Variants in CLOCK observed in about 807,000 individuals in gnomAD.
The protein encoded by CLOCK is clock circadian regulator, also known as circadian locomoter output cycles protein kaput.
CLOCK carries 43 observed loss-of-function variants against 118.4 expected under a neutral mutation model. The ratio of observed to expected loss-of-function variants is 0.36; its 90% CI spans 0.28 to 0.47. The LOEUF (loss-of-function observed/expected upper bound fraction) is 0.47, where lower values mean the gene tolerates loss of function less well. Among genes scored for constraint, CLOCK ranks in the 20% least tolerant of loss-of-function variants. The pLI, the probability that CLOCK is intolerant of heterozygous loss-of-function variation, is 1.00. For synonymous variants in CLOCK, 326 were observed against 339.2 expected (o/e 0.96, Z 0.43); for missense variants, 846 against 999.9 (o/e 0.85, Z 2.08).
intron 8 of CLOCK, among the ~76,000 whole-genome samples, chr4:55,467,492 T>C (rs1725815331): frequency 6.6e-6 from 1 of 152,212 alleles, no homozygotes; most frequent in Non-Finnish European, 1.5e-5. Context: ...GAATTTTGAA[T>C]GGAATTCAAG....
chr4:55,455,936 C>T lies in CLOCK; in HGVS notation c.943G>A (p.Val315Met). ...LGTSGYDYYH[V>M]DDLENLAKCH... ...TTTGCCAAATTTTCTAGGTCATCCA[C>T]ATGATAGTAATCATAGCCTGATGTT... The change falls in exon 13 of 23, where the codon GTG (valine) becomes ATG (methionine). Residue 315 changes from valine to methionine, a missense_variant. Transcript: ENST00000513440. 1 of 1,613,734 alleles carries T rather than the reference C, an allele frequency of 6.2e-7. No individual in the cohort carries two copies. The highest frequency in any genetic ancestry group is 8.5e-7 in the Non-Finnish European group (1 of 1,179,792).
intron 1 of CLOCK, among the ~76,000 whole-genome samples, chr4:55,523,167 G>A (rs1454489557): frequency 6.6e-6 from 1 of 152,066 alleles, no homozygotes; most frequent in Non-Finnish European, 1.5e-5. Context: ...AGGCATGGTG[G>A]TGGGCACCTG....
At chr4:55,453,614 T>C (rs1724667220) in intron 14 of CLOCK, 63 bp downstream of exon 14, 36 of 1,482,040 alleles carry the variant, frequency 2.4e-5, no homozygotes, top group Non-Finnish European at 3.4e-5. Context: ...GCATAAAAGT[T>C]ACAATGCCAA....
At position 55,428,799 on chromosome 4, in the gene CLOCK, T is replaced by A. The variant is rs1722343908; in HGVS notation, c.*6616A>T. ...TACAAAGGTAAAACTTTTTTTTTTTTTTTGCACTGACTGGTTTCAATACAG... is the reference window on the plus strand; with the variant it reads ...TACAAAGGTAAAACTTTTTTTTTTTATTTGCACTGACTGGTTTCAATACAG... On this transcript the variant is annotated 3_prime_UTR_variant, in exon 23 of 23. Transcript: ENST00000513440. The A allele has an allele frequency of 6.6e-6, 1 of 151,924 alleles. No homozygotes were observed. Among genetic ancestry groups the A allele is most frequent in the Non-Finnish European group, 1.5e-5 (1 of 67,998 alleles). 9.4% of individuals were successfully genotyped at this position (151,924 alleles called of 1,614,324 possible). A position where few individuals can be genotyped will look rare whatever the true frequency, so the allele number is the denominator to read the frequency against.
intron 11 of CLOCK, among the ~76,000 whole-genome samples, chr4:55,458,465 T>C (rs1283018261): frequency 6.6e-6 from 1 of 152,034 alleles, no homozygotes; most frequent in Admixed American, 6.6e-5. Context: ...GTTTGTTGGG[T>C]CCAGGAAATA....
chr4:55,483,449 G>C (rs542364424), intron 3 of CLOCK, among the ~76,000 whole-genome samples: 7 of 152,298 alleles, frequency 4.6e-5, no homozygotes, highest in African/African-American at 1.7e-4. Context: ...CAAATATGGT[G>C]CAGGGATGGG....
intron 7 of CLOCK, among the ~76,000 whole-genome samples, chr4:55,472,134 G>T (rs773589241): frequency 2.0e-5 from 3 of 152,080 alleles, no homozygotes. Flanking sequence ...ATACACTGTC[G>T]TCAAGGAATC....
Position 55,432,581 on chromosome 4 carries a change from GAC to G in CLOCK, c.*2832_*2833del, listed in dbSNP as rs774402618. 2.4e-5 allele frequency: 3 copies of G among 126,180 alleles called. No individual in the cohort carries two copies. The highest frequency in any genetic ancestry group is 4.7e-5 in the Non-Finnish European group (3 of 63,172). 7.8% of individuals were successfully genotyped at this position (126,180 alleles called of 1,614,324 possible). ...GCTTTGGCTATAGAAATGAAGAACAGACACTGCTGAATCTTCATTTGAATGCT... is the reference window on the plus strand; with the variant it reads ...GCTTTGGCTATAGAAATGAAGAACAGACTGCTGAATCTTCATTTGAATGCT... On this transcript the variant is annotated 3_prime_UTR_variant, in exon 23 of 23. Coordinates refer to ENST00000513440, the MANE Select transcript of CLOCK (RefSeq NM_004898.4).
chr4:55,509,387 G>A (rs940649101), intron 2 of CLOCK, among the ~76,000 whole-genome samples: 7 of 152,092 alleles, frequency 4.6e-5, no homozygotes, highest in East Asian at 1.9e-4. Flanking sequence ...GTTAGTCTTC[G>A]AGATTTTTTT....
At chr4:55,535,679 G>A (rs1012349118) in intron 1 of CLOCK, among the ~76,000 whole-genome samples, 22 of 150,502 alleles carry the variant, frequency 1.5e-4, no homozygotes, top group Non-Finnish European at 3.3e-4. Flanking sequence ...TATTTTTAAA[G>A]TTAGTGAGGA....
intron 21 of CLOCK, 183 bp downstream of exon 21, chr4:55,442,249 C>T: frequency 3.3e-6 from 2 of 603,726 alleles, no homozygotes; most frequent in South Asian, 2.2e-5. Context: ...TGTTGTTACC[C>T]TTTAATTATG....
chr4:55,517,654 T>C (rs1729600951), intron 1 of CLOCK, among the ~76,000 whole-genome samples: 1 of 152,244 alleles, frequency 6.6e-6, no homozygotes, highest in African/African-American at 2.4e-5. Context: ...AGGATAATAC[T>C]TGAAATGTTC....
intron 3 of CLOCK, among the ~76,000 whole-genome samples, chr4:55,484,402 T>C (rs1255850183): frequency 6.6e-6 from 1 of 151,910 alleles, no homozygotes; most frequent in Non-Finnish European, 1.5e-5. Context: ...AAGATAGAAA[T>C]AATAAAATAA....
chr4:55,474,622 G>C (rs527616827), intron 7 of CLOCK, among the ~76,000 whole-genome samples: 10 of 152,298 alleles, frequency 6.6e-5, no homozygotes, highest in African/African-American at 2.4e-4. Flanking sequence ...TAACTCTCTT[G>C]TCAGGGGCAA....
chr4:55,429,632 G>A lies in CLOCK; in HGVS notation c.*5783C>T, dbSNP rs942391246. On this transcript the variant is annotated 3_prime_UTR_variant, in exon 23 of 23. Transcript: ENST00000513440. ...ATGATAATGACAGCCATTAAAAGAT[G>A]CTATTTCTTTTACTAACATTTCCCC... 6.6e-6 allele frequency: 1 copy of A among 152,192 alleles called. No individual in the cohort carries two copies. The highest frequency in any genetic ancestry group is 1.5e-5 in the Non-Finnish European group (1 of 68,040). 9.4% of individuals were successfully genotyped at this position (152,192 alleles called of 1,614,324 possible).
intron 2 of CLOCK, among the ~76,000 whole-genome samples, chr4:55,490,325 T>A (rs531952606): frequency 3.2e-4 from 48 of 150,746 alleles, no homozygotes; most frequent in African/African-American, 1.1e-3. Flanking sequence ...CAATTATAAA[T>A]ATATATATAT....
chr4:55,520,279 G>A (rs1182726734), intron 1 of CLOCK, among the ~76,000 whole-genome samples: 3 of 152,264 alleles, frequency 2.0e-5, no homozygotes, highest in South Asian at 2.1e-4. Context: ...CCGATCAAGT[G>A]AAGTATCTGT....
chr4:55,542,955 GGTTT>G (rs770707750), intron 1 of CLOCK, among the ~76,000 whole-genome samples: 22 of 152,046 alleles, frequency 1.4e-4, no homozygotes, highest in Non-Finnish European at 2.8e-4. Flanking sequence ...GCACCTTTTG[GGTTT>G]GTTTTGTTTA....
rs559770925 is a variant in CLOCK, at chr4:55,541,913, C to T, written c.-290+4869G>A. Among the ~76,000 whole-genome samples the T allele has an allele frequency of 1.1e-4, 16 of 149,530 alleles. No homozygotes were observed. The South Asian group carries it at 2.3e-3, about 22-fold the overall frequency. ...CTTAACTAATTAAAAGGTTAAGATA[C>T]GTATTCTCCCTCAAAATCCCATGCC... On this transcript the variant is annotated intron_variant, in intron 1 of 22. Transcript: ENST00000513440.
Sources: allele counts gnomAD v4.1 joint callset (sites outside exome capture counted in the v4.1 genomes callset), GRCh38; gene constraint gnomAD v4.1.1; transcripts MANE v1.5; gene names NCBI Gene and HGNC (gene_info 2026-07-23, HGNC 2026-07-21).